NEK10: variants seen among roughly 807,000 people sequenced by gnomAD.
NEK10 encodes NIMA related kinase 10.
In NEK10, 122 loss-of-function variants were observed where a neutral mutation model predicts 159.8. The observed-to-expected ratio is 0.76, with a 90% CI of 0.66 to 0.89. NEK10 has a LOEUF of 0.89. NEK10 is among the 40% of genes least tolerant of loss of function. The probability of loss-of-function intolerance (pLI) is 0.00; values close to 1 mark genes in which losing one functional copy is unlikely to be tolerated. For missense variants in NEK10, 1,342 were observed against 1,323.1 expected (o/e 1.01, Z -0.22); for synonymous variants, 466 against 457.1 (o/e 1.02, Z -0.25).
chr3:27,367,115 T>C (rs980233434), intron 1 of NEK10, among the ~76,000 whole-genome samples: 1 of 152,170 alleles, frequency 6.6e-6, no homozygotes, highest in East Asian at 1.9e-4. Flanking sequence ...CAGCCCAGTG[T>C]GTTCATTTTT....
Position 27,252,739 on chromosome 3 carries a change from T to C in NEK10, c.2090+3557A>G, listed in dbSNP as rs1575455417. ...CCAGATGACAAATAGAAAAGAGTAT[T>C]CCAGGCAAAGGGAGCTGCATGTGCA... On this transcript the variant is annotated intron_variant, in intron 23 of 35. Coordinates refer to ENST00000691995, the MANE Select transcript of NEK10 (RefSeq NM_001394966.1). 1.1e-5 allele frequency: 4 copies of C among 355,536 alleles called. No individual in the cohort carries two copies. In the Admixed American group the frequency reaches 1.4e-4, roughly 13 times the overall value. The allele number at this position is 355,536 out of a possible 1,614,324, so 22.0% of individuals were successfully genotyped here.
At chr3:27,256,697 T>C (rs1956216152) in intron 22 of NEK10, among the ~76,000 whole-genome samples, 1 of 152,034 alleles carries the variant, frequency 6.6e-6, no homozygotes, top group East Asian at 1.9e-4. Flanking sequence ...AAAAGTAAGG[T>C]ACACCCAAAT....
Position 27,162,116 on chromosome 3 carries a change from T to C in NEK10, c.2869+585A>G, listed in dbSNP as rs529878607. ...TACTTTCTTCATTCTACATGTATCA[T>C]GTAGGTGTAGAGTTTACAGAAATAC... On this transcript the variant is annotated intron_variant, in intron 30 of 35. Coordinates refer to ENST00000691995, the MANE Select transcript of NEK10 (RefSeq NM_001394966.1). 2.4e-5 allele frequency: 5 copies of C among 212,368 alleles called. No homozygotes were observed. In the South Asian group the frequency reaches 6.4e-4, roughly 27 times the overall value. The allele number at this position is 212,368 out of a possible 1,614,324, so 13.2% of individuals were successfully genotyped here. A position where few individuals can be genotyped will look rare whatever the true frequency, so the allele number is the denominator to read the frequency against.
intron 22 of NEK10, 148 bp downstream of exon 22, chr3:27,284,454 C>G (rs978508955): frequency 1.7e-6 from 1 of 576,318 alleles, no homozygotes. Context: ...TTCAAGTGCT[C>G]AATAGCCACA....
chr3:27,274,024 T>A (rs952109599), intron 22 of NEK10, among the ~76,000 whole-genome samples: 2 of 151,970 alleles, frequency 1.3e-5, no homozygotes, highest in Admixed American at 1.3e-4. Context: ...CAACTACTAT[T>A]AATATTAAAA....
At chr3:27,229,705 C>A (rs939653975) in intron 23 of NEK10, among the ~76,000 whole-genome samples, 1 of 151,992 alleles carries the variant, frequency 6.6e-6, no homozygotes, top group Admixed American at 6.6e-5. Flanking sequence ...ATGAAAGACA[C>A]ACTTAAGGAA....
At chr3:27,300,446 CT>C (rs1455080700) in intron 13 of NEK10, among the ~76,000 whole-genome samples, 1 of 152,024 alleles carries the variant, frequency 6.6e-6, no homozygotes, top group African/African-American at 2.4e-5. Flanking sequence ...GTAAATTGCC[CT>C]GTCTTGGGTA....
intron 22 of NEK10, chr3:27,278,651 T>A (rs191076882): frequency 2.1e-6 from 2 of 958,396 alleles, no homozygotes; most frequent in East Asian, 2.3e-4. Flanking sequence ...GCCTGAAATC[T>A]ATTAACTATA....
intron 26 of NEK10, among the ~76,000 whole-genome samples, chr3:27,189,947 T>C (rs1559578111): frequency 6.6e-6 from 1 of 152,160 alleles, no homozygotes; most frequent in East Asian, 1.9e-4. Flanking sequence ...CTAATATATA[T>C]GCATTAACTG....
At position 27,224,887 on chromosome 3, in the gene NEK10, T is replaced by C. The variant is rs1952468964; in HGVS notation, c.2091-22330A>G. ...GAAAAGCACAGTAACTTGAAATAGTTAGTGCTCACAAAATGTCACTTGTTA... is the reference window on the plus strand; with the variant it reads ...GAAAAGCACAGTAACTTGAAATAGTCAGTGCTCACAAAATGTCACTTGTTA... On this transcript the variant is annotated intron_variant, in intron 23 of 35. Transcript: ENST00000691995. Among the ~76,000 whole-genome samples, 4 of 152,300 alleles carry C rather than the reference T, an allele frequency of 2.6e-5. No homozygotes were observed. The South Asian group carries it at 8.3e-4, about 32-fold the overall frequency.
At chr3:27,348,468 G>A (rs1203715645) in intron 3 of NEK10, among the ~76,000 whole-genome samples, 1 of 152,202 alleles carries the variant, frequency 6.6e-6, no homozygotes, top group African/African-American at 2.4e-5. Flanking sequence ...GCACCTTGAA[G>A]CAAGTAGCAC....
chr3:27,248,968 T>C (rs1445707270), intron 23 of NEK10, among the ~76,000 whole-genome samples: 2 of 152,316 alleles, frequency 1.3e-5, no homozygotes, highest in African/African-American at 2.4e-5. Context: ...CCAGCTATTA[T>C]TGTTGATAAT....
At chr3:27,282,288 T>C (rs575919373) in intron 22 of NEK10, among the ~76,000 whole-genome samples, 1 of 152,176 alleles carries the variant, frequency 6.6e-6, no homozygotes, top group Non-Finnish European at 1.5e-5. Flanking sequence ...ATAAGCTTTT[T>C]ATTTTATAAA....
intron 26 of NEK10, among the ~76,000 whole-genome samples, chr3:27,180,997 C>A (rs1948043990): frequency 6.6e-6 from 1 of 152,220 alleles, no homozygotes; most frequent in Admixed American, 6.5e-5. Context: ...GACACACAGG[C>A]CTCCTTGCTG....
chr3:27,243,751 C>G lies in NEK10; in HGVS notation c.2090+12545G>C, dbSNP rs186934994. 1.2e-3 allele frequency among the ~76,000 whole-genome samples: 189 copies of G among 152,130 alleles called. 1 individual carries two copies. The highest frequency in any genetic ancestry group is 2.1e-3 in the Non-Finnish European group (144 of 68,000). Reference sequence around the variant, plus strand: ...GGAGGTCCCTGTTCTACCCTACTTTCTATATTATCCTGGAGACTCATTACA... The same window carrying G: ...GGAGGTCCCTGTTCTACCCTACTTTGTATATTATCCTGGAGACTCATTACA... On this transcript the variant is annotated intron_variant, in intron 23 of 35. Coordinates refer to ENST00000691995, the MANE Select transcript of NEK10 (RefSeq NM_001394966.1).
intron 5 of NEK10, among the ~76,000 whole-genome samples, chr3:27,331,918 C>A (rs983552989): frequency 6.6e-6 from 1 of 152,124 alleles, no homozygotes; most frequent in African/African-American, 2.4e-5. Context: ...AATAAGGATA[C>A]TAACTTATTC....
chr3:27,289,966 G>A (rs76493451), intron 19 of NEK10, among the ~76,000 whole-genome samples: 2 of 152,224 alleles, frequency 1.3e-5, no homozygotes, highest in African/African-American at 2.4e-5. Flanking sequence ...AAAGCTGATA[G>A]TGCACCACAG....
chr3:27,215,650 T>C (rs1418292911), intron 23 of NEK10: 1 of 557,548 alleles, frequency 1.8e-6, no homozygotes, highest in African/African-American at 1.9e-5. Flanking sequence ...ATTTAAAGAG[T>C]GTATGAATCC....
chr3:27,177,275 G>A (rs989359538), intron 26 of NEK10, among the ~76,000 whole-genome samples: 1 of 152,136 alleles, frequency 6.6e-6, no homozygotes, highest in Admixed American at 6.6e-5. Flanking sequence ...CAGGCATGGT[G>A]GCTCACTCCT....
Sources: gnomAD v4.1 joint callset for allele counts (sites outside exome capture counted in the v4.1 genomes callset) on GRCh38, gnomAD v4.1.1 for gene constraint, MANE v1.5 for transcripts, NCBI Gene and HGNC (gene_info 2026-07-23, HGNC 2026-07-21) for gene names.